EPB41L2: variants seen among roughly 807,000 people sequenced by gnomAD.
The protein encoded by EPB41L2 is band 4.1-like protein 2.
EPB41L2 carries 43 observed loss-of-function variants against 113.0 expected under a neutral mutation model. The ratio of observed to expected loss-of-function variants is 0.38; its 90% CI spans 0.30 to 0.49. EPB41L2 has a LOEUF of 0.49. EPB41L2 is among the 20% of genes least tolerant of loss of function. The pLI is 0.95. For missense variants in EPB41L2, 1,147 were observed against 1,223.4 expected, an observed-to-expected ratio of 0.94 and a Z score of 0.93; for synonymous variants, 442 against 436.7, an observed-to-expected ratio of 1.01 and a Z score of -0.15.
chr6:131,011,509 GCTTT>G (rs1786965997), intron 1 of EPB41L2, among the ~76,000 whole-genome samples: 1 of 152,090 alleles, frequency 6.6e-6, no homozygotes, highest in Non-Finnish European at 1.5e-5. Flanking sequence ...TTGTATTTCG[GCTTT>G]CTATTTACAA....
intron 1 of EPB41L2, among the ~76,000 whole-genome samples, chr6:131,045,213 A>T (rs1289230784): frequency 6.6e-6 from 1 of 150,448 alleles, no homozygotes; most frequent in East Asian, 1.9e-4. Flanking sequence ...TTTATTGAAC[A>T]AATATCTATT....
chr6:131,047,353 A>C (rs9492790), intron 1 of EPB41L2, among the ~76,000 whole-genome samples: 40,986 of 151,918 alleles, frequency 0.27, 5,797 homozygotes, highest in East Asian at 0.42. Context: ...TCTCTAAAAA[A>C]AATATTTAAA....
At chr6:131,054,890 T>C (rs578199767) in intron 1 of EPB41L2, among the ~76,000 whole-genome samples, 1 of 152,322 alleles carries the variant, frequency 6.6e-6, no homozygotes, top group Non-Finnish European at 1.5e-5. Flanking sequence ...AGCTGCTTAA[T>C]TGATCACAGG....
rs147126856 is a variant in EPB41L2, at chr6:130,906,100, G to C, written c.854-1560C>G. The stretch of plus-strand genomic sequence containing the variant: ...GATGACTGTCAAATATCCATGCATC[G>C]TGTTTGTGTAAGCATTTCTTCAAGG... On this transcript the variant is annotated intron_variant, in intron 5 of 19. Coordinates refer to ENST00000337057, the MANE Select transcript of EPB41L2 (RefSeq NM_001431.4). Among the ~76,000 whole-genome samples the C allele has an allele frequency of 2.0e-3, 300 of 152,288 alleles. 1 individual carries two copies. The highest frequency in any genetic ancestry group is 6.7e-3 in the African/African-American group (278 of 41,556).
chr6:130,844,183 C>T (rs7760965), intron 19 of EPB41L2, among the ~76,000 whole-genome samples: 2 of 152,032 alleles, frequency 1.3e-5, no homozygotes, highest in Non-Finnish European at 2.9e-5. Context: ...GCAAATAATA[C>T]AAGAAAACAA....
chr6:130,956,376 T>C lies in EPB41L2; in HGVS notation c.110A>G (p.Gln37Arg). The change falls in exon 2 of 20, where the codon CAG becomes CGG. Residue 37 changes from glutamine (Q) to arginine (R), a missense_variant. By Grantham distance (43) the Gln-to-Arg change is conservative (BLOSUM62 1). Transcript: ENST00000337057. ...TTTTTCCTCCTCTGGATCGGAAGACTGATTCTGCTGATTTTCTGCTACTTC... is the reference window on the plus strand; with the variant it reads ...TTTTTCCTCCTCTGGATCGGAAGACCGATTCTGCTGATTTTCTGCTACTTC... ...PKEVAENQQN[Q>R]SSDPEEEKGS... 6.2e-7 allele frequency: 1 copy of C among 1,614,180 alleles called. No homozygotes were observed. Among genetic ancestry groups the C allele is most frequent in the Non-Finnish European group, 8.5e-7 (1 of 1,180,032 alleles).
intron 3 of EPB41L2, among the ~76,000 whole-genome samples, chr6:130,938,296 A>C (rs757890187): frequency 1.3e-5 from 2 of 152,178 alleles, no homozygotes; most frequent in Non-Finnish European, 2.9e-5. Flanking sequence ...ACTTGGGGCA[A>C]CAGTGTTTCT....
chr6:130,930,234 C>G lies in EPB41L2; in HGVS notation c.706-3525G>C, dbSNP rs923450602. The stretch of plus-strand genomic sequence containing the variant: ...CAAAACTATTTAGCAAAAGAGCCCA[C>G]TATTTTTTAATACAACATTTACTAA... On this transcript the variant is annotated intron_variant, in intron 3 of 19. Transcript: ENST00000337057. 3.9e-5 allele frequency among the ~76,000 whole-genome samples: 6 copies of G among 152,206 alleles called. No individual in the cohort carries two copies. In the East Asian group the frequency reaches 1.2e-3, roughly 29 times the overall value.
intron 4 of EPB41L2, among the ~76,000 whole-genome samples, chr6:130,914,571 A>G (rs1800371378): frequency 6.6e-6 from 1 of 152,160 alleles, no homozygotes; most frequent in South Asian, 2.1e-4. Flanking sequence ...TTGTCCATGG[A>G]CAACTGCCCA....
At chr6:130,924,895 T>C (rs1804130948) in intron 4 of EPB41L2, among the ~76,000 whole-genome samples, 1 of 152,166 alleles carries the variant, frequency 6.6e-6, no homozygotes, top group Non-Finnish European at 1.5e-5. Context: ...ATACGGAGGC[T>C]ATACAGATAA....
chr6:130,909,948 A>T (rs1039510835), intron 4 of EPB41L2, among the ~76,000 whole-genome samples: 1 of 152,258 alleles, frequency 6.6e-6, no homozygotes, highest in African/African-American at 2.4e-5. Context: ...AAATGATCAT[A>T]CTGCCCAAAA....
At chr6:130,990,581 T>C (rs555967780) in intron 1 of EPB41L2, among the ~76,000 whole-genome samples, 1 of 152,072 alleles carries the variant, frequency 6.6e-6, no homozygotes. Flanking sequence ...GATAAAAATA[T>C]GGGAAAAGAG....
intron 1 of EPB41L2, among the ~76,000 whole-genome samples, chr6:131,058,239 T>C (rs901472493): frequency 4.6e-5 from 7 of 152,204 alleles, no homozygotes; most frequent in African/African-American, 1.7e-4. Context: ...AATGCACTCA[T>C]AGATCACATG....
chr6:130,952,078 G>C (rs1815316128), intron 3 of EPB41L2, among the ~76,000 whole-genome samples: 1 of 152,158 alleles, frequency 6.6e-6, no homozygotes, highest in Admixed American at 6.5e-5. Context: ...TCAAACAAAT[G>C]CAAGTTAAAA....
intron 18 of EPB41L2, among the ~76,000 whole-genome samples, chr6:130,862,181 T>C (rs993069273): frequency 6.6e-6 from 1 of 152,210 alleles, no homozygotes; most frequent in Non-Finnish European, 1.5e-5. Flanking sequence ...TTCTTTTGCC[T>C]TTTATAACAA....
chr6:130,948,074 A>T (rs1048539215), intron 3 of EPB41L2, among the ~76,000 whole-genome samples: 4 of 152,212 alleles, frequency 2.6e-5, no homozygotes, highest in Admixed American at 2.6e-4. Flanking sequence ...TGCTGTTTTT[A>T]AGCTTATTTC....
intron 18 of EPB41L2, among the ~76,000 whole-genome samples, chr6:130,863,012 T>C (rs148066924): frequency 1.3e-5 from 2 of 152,328 alleles, no homozygotes; most frequent in African/African-American, 4.8e-5. Flanking sequence ...AGTCTAAAAT[T>C]AAAACTGCTC....
chr6:131,054,353 AG>A (rs1238573293), intron 1 of EPB41L2, among the ~76,000 whole-genome samples: 1 of 151,976 alleles, frequency 6.6e-6, no homozygotes, highest in Non-Finnish European at 1.5e-5. Context: ...TGTCCCTGCA[AG>A]TTTCTGCTAG....
At chr6:130,911,867 T>TTTA (rs1799508206) in intron 4 of EPB41L2, among the ~76,000 whole-genome samples, 1 of 151,704 alleles carries the variant, frequency 6.6e-6, no homozygotes, top group Admixed American at 6.6e-5. Context: ...TTTTACTCAT[T>TTTA]CTAAGCAGTG....
Sources: gnomAD v4.1 joint callset for allele counts (sites outside exome capture counted in the v4.1 genomes callset) on GRCh38, gnomAD v4.1.1 for gene constraint, MANE v1.5 for transcripts, NCBI Gene and HGNC (gene_info 2026-07-23, HGNC 2026-07-21) for gene names.